RBM33: variants seen among roughly 807,000 people sequenced by gnomAD.
RBM33 encodes the protein RNA binding motif protein 33.
Under a neutral mutation model 132.6 loss-of-function variants are expected in RBM33, and 28 were observed. The observed-to-expected ratio is 0.21, with a 90% confidence interval of 0.16 to 0.29. The LOEUF (loss-of-function observed/expected upper bound fraction) is 0.29, where lower values mean the gene tolerates loss of function less well. RBM33 is among the 10% of genes least tolerant of loss of function. The pLI is 1.00. For missense variants in RBM33, 1,291 were observed against 1,518.5 expected (o/e 0.85, Z 2.49); for synonymous variants, 634 against 593.0 (o/e 1.07, Z -1.01).
intron 16 of RBM33, among the ~76,000 whole-genome samples, chr7:155,773,144 G>C (rs1802485483): frequency 6.6e-6 from 1 of 152,196 alleles, no homozygotes; most frequent in South Asian, 2.1e-4. Context: ...TAGCTATTCT[G>C]TTTCACTGAA....
Position 155,745,229 on chromosome 7 carries a change from A to G in RBM33, c.2606A>G (p.Asn869Ser). 1 of 1,612,650 alleles carries G rather than the reference A, an allele frequency of 6.2e-7. No individual in the cohort carries two copies. The highest frequency in any genetic ancestry group is 8.5e-7 in the Non-Finnish European group (1 of 1,179,256). Residue 869 changes from asparagine (N) to serine (S), a missense_variant, in exon 14 of 18, where the codon AAT (asparagine) becomes AGT (serine). This residue lies in a region of RBM33 where 841 missense variants were observed against 912.0 expected (regional missense o/e 0.92). Transcript: ENST00000401878. This position sits in a 1 kb window ranked among gnomAD's most constrained non-coding sequence, Gnocchi z 4.1. ...LPFPGAQVRQ[N>S]VKNRLLVKNQ... ...TTTCCAGGTGCACAGGTCAGACAAA[A>G]TGTGAAGAACAGACTTCTTGTTAAA...
At chr7:155,719,510 ATTTC>A (rs995314011) in intron 9 of RBM33, among the ~76,000 whole-genome samples, 2 of 152,094 alleles carry the variant, frequency 1.3e-5, no homozygotes, top group African/African-American at 4.8e-5. Context: ...GTTCTTCCTG[ATTTC>A]TTTATGTTTA....
At position 155,687,064 on chromosome 7, in the gene RBM33, C is replaced by G. The variant is rs188511874; in HGVS notation, c.567+6156C>G. Among the ~76,000 whole-genome samples, 216 of 152,314 alleles carry G rather than the reference C, an allele frequency of 1.4e-3. 4 individuals are homozygous for G. The highest frequency in any genetic ancestry group is 5.0e-3 in the African/African-American group (206 of 41,568). On this transcript the variant is annotated intron_variant, in intron 5 of 17. Coordinates refer to ENST00000401878, the MANE Select transcript of RBM33 (RefSeq NM_053043.3). ...CTTGAGGAGTTGCCACACTGTCTTC[C>G]ACAATGGTTGAACTAGTTTACAGTC...
At chr7:155,738,928 T>C (rs1407996165) in intron 11 of RBM33, 1 of 156,142 alleles carries the variant, frequency 6.4e-6, no homozygotes, top group Non-Finnish European at 1.4e-5. Flanking sequence ...TTCTGCTTCA[T>C]GGGTTGACAT....
At chr7:155,756,490 T>C (rs11978850) in intron 14 of RBM33, among the ~76,000 whole-genome samples, 1 of 152,212 alleles carries the variant, frequency 6.6e-6, no homozygotes, top group Non-Finnish European at 1.5e-5. Flanking sequence ...CAGGAAGTTG[T>C]TTTGGTATAT....
At chr7:155,673,766 G>GCACACACACACACACACACACA (rs776340484) in intron 3 of RBM33, among the ~76,000 whole-genome samples, 1 of 120,298 alleles carries the variant, frequency 8.3e-6, no homozygotes, top group African/African-American at 3.9e-5. Context: ...GCGCGCATGC[G>GCACACACACACACACACACACA]CGCACACACA....
intron 16 of RBM33, among the ~76,000 whole-genome samples, chr7:155,768,626 T>A (rs1802301396): frequency 6.6e-6 from 1 of 152,258 alleles, no homozygotes; most frequent in African/African-American, 2.4e-5. Context: ...TTTTTTGTTT[T>A]TGTTTTTGGA....
chr7:155,765,076 C>T lies in RBM33; in HGVS notation c.3186+1058C>T, dbSNP rs185778862. Among the ~76,000 whole-genome samples the T allele has an allele frequency of 4.0e-3, 607 of 152,310 alleles. 3 individuals are homozygous for T. In the Middle Eastern group the frequency reaches 0.048, roughly 12 times the overall value. ...TATGATGAGAAAGGCCTTAGAAACA[C>T]CCTCCATAACGCGCACACGCACAGC... On this transcript the variant is annotated intron_variant, in intron 15 of 17. Coordinates refer to ENST00000401878, the MANE Select transcript of RBM33 (RefSeq NM_053043.3).
chr7:155,779,184 T>C lies in RBM33; in HGVS notation c.*4143T>C, dbSNP rs1016969585. 1 of 148,922 alleles carries C rather than the reference T, an allele frequency of 6.7e-6. No individual in the cohort carries two copies. Among genetic ancestry groups the C allele is most frequent in the African/African-American group, 2.5e-5 (1 of 40,586 alleles). The allele number at this position is 148,922 out of a possible 1,614,324, so 9.2% of individuals were successfully genotyped here. On this transcript the variant is annotated 3_prime_UTR_variant, in exon 18 of 18. Coordinates refer to ENST00000401878, the MANE Select transcript of RBM33 (RefSeq NM_053043.3). ...AGGTTGGCTTCCCTTCATTAAGCTA[T>C]GATCCTCCACCCCATTTTTTTTTTT...
chr7:155,718,222 A>T (rs1025381178), intron 8 of RBM33, among the ~76,000 whole-genome samples, 163 bp from the exon 9 acceptor site: 2 of 152,098 alleles, frequency 1.3e-5, no homozygotes, highest in Non-Finnish European at 2.9e-5. Context: ...CTTTTCTGTT[A>T]TGGAATTGTT....
chr7:155,690,841 T>G lies in RBM33; in HGVS notation c.568-9932T>G, dbSNP rs548576872. ...AGAGTTTCTGCTGAGATATCCGCTG[T>G]TAGTCTGATGGACTTCCCTTTGTGG... On this transcript the variant is annotated intron_variant, in intron 5 of 17. Coordinates refer to ENST00000401878, the MANE Select transcript of RBM33 (RefSeq NM_053043.3). 2.6e-5 allele frequency among the ~76,000 whole-genome samples: 4 copies of G among 152,366 alleles called. No individual in the cohort carries two copies. In the South Asian group the frequency reaches 8.3e-4, roughly 32 times the overall value.
intron 1 of RBM33, among the ~76,000 whole-genome samples, chr7:155,653,485 G>A (rs983335428): frequency 6.6e-6 from 1 of 151,730 alleles, no homozygotes; most frequent in African/African-American, 2.4e-5. Context: ...CGGGGGTGGG[G>A]GCCCTAGATA....
At chr7:155,717,446 C>T (rs752899645) in intron 8 of RBM33, among the ~76,000 whole-genome samples, 11 of 150,814 alleles carry the variant, frequency 7.3e-5, no homozygotes, top group Non-Finnish European at 1.6e-4. Context: ...ACCTCAATTA[C>T]CTCTTTTAAA....
chr7:155,707,505 G>C (rs980728319), intron 7 of RBM33: 6 of 325,468 alleles, frequency 1.8e-5, no homozygotes, highest in Non-Finnish European at 3.6e-5. Flanking sequence ...TTAAATGGCA[G>C]TTTCTCAGAA....
At chr7:155,652,341 T>C (rs6967137) in intron 1 of RBM33, among the ~76,000 whole-genome samples, 96,876 of 152,078 alleles carry the variant, frequency 0.64, 31,945 homozygotes, top group South Asian at 0.76. Context: ...TATGCCTGAA[T>C]TGGAATAGCT....
At chr7:155,719,381 A>C (rs1197375817) in intron 9 of RBM33, among the ~76,000 whole-genome samples, 1 of 152,188 alleles carries the variant, frequency 6.6e-6, no homozygotes, top group Non-Finnish European at 1.5e-5. Flanking sequence ...TAAATGAAGG[A>C]TGTGAATGTA....
intron 9 of RBM33, among the ~76,000 whole-genome samples, chr7:155,727,518 A>C (rs185768449): frequency 3.2e-4 from 49 of 152,326 alleles, no homozygotes; most frequent in Non-Finnish European, 5.0e-4. Flanking sequence ...ACTTGTGTGC[A>C]AAACAAAACA....
chr7:155,741,903 C>T lies in RBM33; in HGVS notation c.2134C>T (p.Pro712Ser). The T allele has an allele frequency of 3.7e-6, 6 of 1,614,034 alleles. No homozygotes were observed. The highest frequency in any genetic ancestry group is 5.1e-6 in the Non-Finnish European group (6 of 1,179,886). ...AAGGAACAGCAATTTGCGTGAATTA[C>T]CCATAGCGCCGTCACACGTGATAGA... Reference protein sequence around the residue: ...APRNSNLRELPIAPSHVIEMS... With the variant: ...APRNSNLRELSIAPSHVIEMS... The change falls in exon 13 of 18, where the codon CCC becomes TCC. Residue 712 changes from proline to serine, a missense_variant. By Grantham distance (74) the Pro-to-Ser change is moderately conservative. Transcript: ENST00000401878.
Sources: gnomAD v4.1 joint callset for allele counts (sites outside exome capture counted in the v4.1 genomes callset) on GRCh38, gnomAD v4.1.1 for gene constraint, gnomAD v4.1.1 regional missense constraint, Gnocchi (gnomAD v3.1) non-coding constraint, MANE v1.5 for transcripts, NCBI Gene and HGNC (gene_info 2026-07-23, HGNC 2026-07-21) for gene names.